LHFPL1: variants seen among roughly 807,000 people sequenced by gnomAD.
The protein encoded by LHFPL1 is LHFPL tetraspan subfamily member 1.
LHFPL1 carries 4 observed loss-of-function variants against 12.1 expected under a neutral mutation model. That is an observed-to-expected ratio of 0.33 (90% CI 0.16 to 0.76). The LOEUF (loss-of-function observed/expected upper bound fraction) is 0.76, where lower values mean the gene tolerates loss of function less well. Ranked by LOEUF, LHFPL1 falls within the 30% of genes least tolerant of loss-of-function variation. The pLI is 0.61. For missense variants in LHFPL1, 141 were observed against 174.1 expected, an observed-to-expected ratio of 0.81 and a Z score of 1.07; for synonymous variants, 52 against 61.9, an observed-to-expected ratio of 0.84 and a Z score of 0.75.
chrX:112,657,397 T>C (rs1435208156), intron 3 of LHFPL1, among the ~76,000 whole-genome samples: 1 of 112,068 alleles, frequency 8.9e-6, no homozygotes, highest in East Asian at 2.8e-4. Flanking sequence ...ATACAATTCC[T>C]ATCAAAATAT....
chrX:112,658,558 G>A (rs1185523136), intron 3 of LHFPL1, among the ~76,000 whole-genome samples: 2 of 111,003 alleles, frequency 1.8e-5, no homozygotes, highest in African/African-American at 3.3e-5. Flanking sequence ...AGTCATCAGG[G>A]AAATGAAAAT....
chrX:112,642,578 A>G (rs1008711178), intron 3 of LHFPL1, among the ~76,000 whole-genome samples: 3 of 107,446 alleles, frequency 2.8e-5, no homozygotes, highest in Non-Finnish European at 5.8e-5. Context: ...ACAATTCTGC[A>G]TTCATTTTTC....
At chrX:112,674,155 G>T (rs1931589623) in intron 1 of LHFPL1, among the ~76,000 whole-genome samples, 2 of 111,801 alleles carry the variant, frequency 1.8e-5, no homozygotes, top group Non-Finnish European at 3.8e-5. Context: ...ACAGCCAACT[G>T]ATCTTCAACA....
chrX:112,646,349 G>A (rs1042997173), intron 3 of LHFPL1, among the ~76,000 whole-genome samples: 1 of 102,078 alleles, frequency 9.8e-6, no homozygotes, highest in Non-Finnish European at 2.0e-5. Flanking sequence ...CCTGGTTTGC[G>A]GGGGGAGGGG....
chrX:112,641,623 C>T (rs1456198564), intron 3 of LHFPL1, among the ~76,000 whole-genome samples: 1 of 112,380 alleles, frequency 8.9e-6, no homozygotes, highest in Non-Finnish European at 1.9e-5. Flanking sequence ...AAAAAGATGA[C>T]ACATACAAAG....
intron 3 of LHFPL1, among the ~76,000 whole-genome samples, chrX:112,650,513 T>C (rs889353222): frequency 1.8e-5 from 2 of 111,756 alleles, no homozygotes; most frequent in Non-Finnish European, 3.8e-5. Flanking sequence ...TCTGTCCTCA[T>C]CGAGTTTAAT....
Position 112,661,828 on chromosome X carries a change from T to G in LHFPL1, c.383-1103A>C, listed in dbSNP as rs138234885. On this transcript the variant is annotated intron_variant, in intron 2 of 3. Coordinates refer to ENST00000371968, the MANE Select transcript of LHFPL1 (RefSeq NM_178175.4). ...AGCTAGTTAACAGATAATGCAGAAG[T>G]TGAAAACAACCCCACAACACCAGAA... 2.5e-3 allele frequency: 278 copies of G among 112,103 alleles called. 1 individual carries two copies. Among genetic ancestry groups the G allele is most frequent in the African/African-American group, 8.7e-3 (269 of 30,858 alleles). 9.2% of individuals were successfully genotyped at this position (112,103 alleles called of 1,213,427 possible). A position where few individuals can be genotyped will look rare whatever the true frequency, so the allele number is the denominator to read the frequency against.
chrX:112,677,661 CA>C (rs58664430), intron 1 of LHFPL1, among the ~76,000 whole-genome samples: 3,382 of 95,856 alleles, frequency 0.035, 55 homozygotes, highest in Middle Eastern at 0.073. Context: ...GACAAAGCTT[CA>C]AAAAAAAAAA....
intron 1 of LHFPL1, among the ~76,000 whole-genome samples, chrX:112,675,186 G>A (rs1315957968): frequency 9.0e-6 from 1 of 111,176 alleles, no homozygotes; most frequent in Admixed American, 9.6e-5. Flanking sequence ...CGGGTGATGG[G>A]TGCGCCAAAA....
At chrX:112,637,448 G>T (rs1357760700) in intron 3 of LHFPL1, among the ~76,000 whole-genome samples, 2 of 111,660 alleles carry the variant, frequency 1.8e-5, no homozygotes, top group Middle Eastern at 4.6e-3. Context: ...CAATGCTTGT[G>T]GTGGGATCTA....
chrX:112,677,321 A>C (rs1255117021), intron 1 of LHFPL1, among the ~76,000 whole-genome samples: 1 of 111,486 alleles, frequency 9.0e-6, no homozygotes, highest in Non-Finnish European at 1.9e-5. Context: ...TCAGTGACTT[A>C]ACAGCTGCTG....
chrX:112,641,295 T>C (rs1016979581), intron 3 of LHFPL1, among the ~76,000 whole-genome samples: 1 of 112,299 alleles, frequency 8.9e-6, no homozygotes, highest in African/African-American at 3.2e-5. Context: ...TATTTTTCAT[T>C]TGTTTTATTC....
intron 3 of LHFPL1, among the ~76,000 whole-genome samples, chrX:112,647,369 A>G (rs902210928): frequency 5.4e-5 from 6 of 112,119 alleles, no homozygotes; most frequent in African/African-American, 1.9e-4. Context: ...AAAAGAAACT[A>G]TCATCAGAGT....
rs1326134226 is a variant in LHFPL1 at position 112,660,739 on chromosome X, A to T, written c.383-14T>A. On this transcript the variant is annotated splice_polypyrimidine_tract_variant and intron_variant, in intron 2 of 3. Coordinates refer to ENST00000371968, the MANE Select transcript of LHFPL1 (RefSeq NM_178175.4). ...TTATCAGCAGCCCTAGAAAGAAAGC[A>T]TACACACAGACAGAAAAAATATAAC... The T allele has an allele frequency of 9.1e-7, 1 of 1,100,075 alleles. No individual in the cohort carries two copies. Among genetic ancestry groups the T allele is most frequent in the Non-Finnish European group, 1.3e-6 (1 of 799,030 alleles). 90.7% of individuals were successfully genotyped at this position (1,100,075 alleles called of 1,213,427 possible). A position where few individuals can be genotyped will look rare whatever the true frequency, so the allele number is the denominator to read the frequency against.
Position 112,671,103 on chromosome X carries a change from G to A in LHFPL1, c.288C>T (p.Leu96=). ...VVTGAGCALL[L]LVALAAVLGC... ...CCAGGACAGCAGCTAGTGCCACCAGGAGCAGCAGAGCACAGCCGGCACCTG... is the reference window on the plus strand; with the variant it reads ...CCAGGACAGCAGCTAGTGCCACCAGAAGCAGCAGAGCACAGCCGGCACCTG... The change falls in exon 2 of 4, where the codon CTC becomes CTT. Residue 96 remains leucine (L), a synonymous_variant. Transcript: ENST00000371968. 2 of 1,211,740 alleles carry A rather than the reference G, an allele frequency of 1.7e-6. No individual in the cohort carries two copies. Among genetic ancestry groups the A allele is most frequent in the South Asian group, 1.8e-5 (1 of 57,002 alleles).
At chrX:112,655,729 A>T (rs1413702314) in intron 3 of LHFPL1, among the ~76,000 whole-genome samples, 1 of 111,181 alleles carries the variant, frequency 9.0e-6, no homozygotes, top group Non-Finnish European at 1.9e-5. Flanking sequence ...CACCATGCCC[A>T]GCTAATTATT....
intron 3 of LHFPL1, among the ~76,000 whole-genome samples, chrX:112,650,631 T>C (rs1216963719): frequency 1.8e-5 from 2 of 111,065 alleles, no homozygotes; most frequent in African/African-American, 6.6e-5. Context: ...TTTCTCTGGC[T>C]ACCCCTCTGA....
intron 3 of LHFPL1, among the ~76,000 whole-genome samples, chrX:112,650,401 A>G (rs1423488042): frequency 5.4e-5 from 6 of 111,011 alleles, no homozygotes; most frequent in African/African-American, 1.6e-4. Flanking sequence ...CTATCTACAC[A>G]CATTGCCTTC....
At chrX:112,669,832 CA>C (rs112251375) in intron 2 of LHFPL1, among the ~76,000 whole-genome samples, 6,442 of 111,217 alleles carry the variant, frequency 0.058, 167 homozygotes, top group Middle Eastern at 0.1. Flanking sequence ...AAATGTCTTC[CA>C]GGGGGGAGGG....
Sources: allele counts gnomAD v4.1 joint callset (sites outside exome capture counted in the v4.1 genomes callset), GRCh38; gene constraint gnomAD v4.1.1; transcripts MANE v1.5; gene names NCBI Gene and HGNC (gene_info 2026-07-23, HGNC 2026-07-21).